The following DACH1 variants were observed in gnomAD, a reference collection of about 807,000 sequenced individuals.
DACH1 encodes the protein dachshund family transcription factor 1.
Under a neutral mutation model 54.2 loss-of-function variants are expected in DACH1, and 12 were observed. That is an observed-to-expected ratio of 0.22 (90% confidence interval 0.14 to 0.36). The LOEUF (loss-of-function observed/expected upper bound fraction) is 0.36. Ranked by LOEUF, DACH1 falls within the 10% of genes least tolerant of loss-of-function variation. The pLI, the probability that DACH1 is intolerant of heterozygous loss-of-function variation, is 1.00. For missense variants in DACH1, 805 were observed against 929.8 expected, an observed-to-expected ratio of 0.87 and a Z score of 1.75; for synonymous variants, 386 against 366.2, an observed-to-expected ratio of 1.05 and a Z score of -0.62.
chr13:71,805,762 T>G (rs1353901328), intron 1 of DACH1, among the ~76,000 whole-genome samples: 1 of 152,168 alleles, frequency 6.6e-6, no homozygotes, highest in African/African-American at 2.4e-5. Flanking sequence ...AAAGCACAGC[T>G]TTTATATTTG....
chr13:71,503,938 AAG>A (rs1261879180), intron 6 of DACH1, among the ~76,000 whole-genome samples: 1 of 152,204 alleles, frequency 6.6e-6, no homozygotes, highest in Admixed American at 6.5e-5. Context: ...ATAAAAAGTT[AAG>A]AGTGTATGTT....
At chr13:71,516,225 A>T (rs1358766678) in intron 6 of DACH1, among the ~76,000 whole-genome samples, 1 of 151,928 alleles carries the variant, frequency 6.6e-6, no homozygotes, top group African/African-American at 2.4e-5. Context: ...CTTAAAAATA[A>T]TAATATTCAT....
At chr13:71,711,462 A>G (rs928515119) in intron 1 of DACH1, among the ~76,000 whole-genome samples, 1 of 152,110 alleles carries the variant, frequency 6.6e-6, no homozygotes, top group African/African-American at 2.4e-5. Flanking sequence ...CATAAGTCAT[A>G]AACTACTTTT....
intron 6 of DACH1, among the ~76,000 whole-genome samples, chr13:71,507,527 T>C (rs1880433523): frequency 6.6e-6 from 1 of 152,202 alleles, no homozygotes; most frequent in Admixed American, 6.5e-5. Context: ...TGCCAATTAG[T>C]TCAGCTGGAA....
chr13:71,619,992 T>G (rs1439630487), intron 3 of DACH1, among the ~76,000 whole-genome samples: 1 of 151,944 alleles, frequency 6.6e-6, no homozygotes, highest in Non-Finnish European at 1.5e-5. Context: ...CATGTGCCTG[T>G]GTGTGTTTTT....
chr13:71,760,164 A>T (rs1035932945), intron 1 of DACH1, among the ~76,000 whole-genome samples: 1 of 152,184 alleles, frequency 6.6e-6, no homozygotes, highest in Non-Finnish European at 1.5e-5. Flanking sequence ...TGATTCTGAC[A>T]ACTGGAGTTC....
At chr13:71,811,516 G>A (rs1887710656) in intron 1 of DACH1, among the ~76,000 whole-genome samples, 1 of 152,082 alleles carries the variant, frequency 6.6e-6, no homozygotes, top group African/African-American at 2.4e-5. Context: ...CAAACCACTA[G>A]TTTGCTACTA....
At chr13:71,629,286 T>A (rs1876898067) in intron 3 of DACH1, among the ~76,000 whole-genome samples, 1 of 152,078 alleles carries the variant, frequency 6.6e-6, no homozygotes, top group South Asian at 2.1e-4. Context: ...CCTCTGCAGT[T>A]GTAGGGCCAT....
chr13:71,617,241 C>T (rs543864039), intron 3 of DACH1, among the ~76,000 whole-genome samples: 1 of 152,252 alleles, frequency 6.6e-6, no homozygotes, highest in African/African-American at 2.4e-5. Context: ...TTTCTTAGAA[C>T]TCATGCTGGA....
intron 2 of DACH1, among the ~76,000 whole-genome samples, chr13:71,678,236 G>A (rs899682825): frequency 2.6e-5 from 4 of 152,152 alleles, no homozygotes; most frequent in African/African-American, 9.7e-5. Flanking sequence ...GTAGACTGTT[G>A]TGGGAGAAAG....
At chr13:71,745,455 T>G (rs923656983) in intron 1 of DACH1, among the ~76,000 whole-genome samples, 4 of 152,234 alleles carry the variant, frequency 2.6e-5, no homozygotes, top group African/African-American at 9.6e-5. Flanking sequence ...CAAATTGCAT[T>G]ATACTATCAT....
At chr13:71,677,857 T>C (rs1363378522) in intron 2 of DACH1, among the ~76,000 whole-genome samples, 1 of 151,992 alleles carries the variant, frequency 6.6e-6, no homozygotes, top group African/African-American at 2.4e-5. Context: ...ATACTTGGGA[T>C]TACAGGCGCC....
chr13:71,456,779 G>C (rs1036744676), intron 10 of DACH1, among the ~76,000 whole-genome samples: 1 of 151,938 alleles, frequency 6.6e-6, no homozygotes, highest in African/African-American at 2.4e-5. Flanking sequence ...AATAAACGTT[G>C]GCTGTTTCCC....
At chr13:71,552,822 TATATATATATATATATATATAG>T (rs1409856354) in intron 6 of DACH1, among the ~76,000 whole-genome samples, 273 of 53,844 alleles carry the variant, frequency 5.1e-3, no homozygotes, top group Non-Finnish European at 7.4e-3. Flanking sequence ...TATATATATA[TATATATATATATATATATATAG>T]AGAGAGAGAG....
intron 3 of DACH1, among the ~76,000 whole-genome samples, chr13:71,581,087 GACTA>G (rs1303755117): frequency 6.7e-6 from 1 of 148,814 alleles, no homozygotes; most frequent in African/African-American, 2.5e-5. Flanking sequence ...AATAAGGTAA[GACTA>G]ACTTTCAATC....
chr13:71,843,967 C>T (rs375126883), intron 1 of DACH1, among the ~76,000 whole-genome samples: 116 of 152,172 alleles, frequency 7.6e-4, no homozygotes, highest in Non-Finnish European at 1.2e-3. Context: ...GTCATAAATG[C>T]GAAGAATCAA....
chr13:71,740,004 G>T (rs938818681), intron 1 of DACH1, among the ~76,000 whole-genome samples: 5 of 152,100 alleles, frequency 3.3e-5, no homozygotes, highest in Non-Finnish European at 7.4e-5. Context: ...ACTAAAATTG[G>T]TTTAAGAATT....
chr13:71,650,937 T>C (rs1387497548), intron 2 of DACH1, among the ~76,000 whole-genome samples: 1 of 152,208 alleles, frequency 6.6e-6, no homozygotes, highest in African/African-American at 2.4e-5. Flanking sequence ...TTATGAAAAG[T>C]AATTCATTAT....
intron 1 of DACH1, among the ~76,000 whole-genome samples, chr13:71,853,178 A>G (rs1390106825): frequency 1.3e-5 from 2 of 152,176 alleles, no homozygotes; most frequent in African/African-American, 4.8e-5. Flanking sequence ...TTGCTAAACC[A>G]AGACTCAGAA....
Sources: allele counts gnomAD v4.1 joint callset (sites outside exome capture counted in the v4.1 genomes callset), GRCh38; gene constraint gnomAD v4.1.1; transcripts MANE v1.5; gene names NCBI Gene and HGNC (gene_info 2026-07-23, HGNC 2026-07-21).